The following RAB4B variants were observed in gnomAD, a reference collection of about 807,000 sequenced individuals.
The protein encoded by RAB4B is ras-related protein Rab-4B.
RAB4B carries 15 observed loss-of-function variants against 28.3 expected under a neutral mutation model. That is an observed-to-expected ratio of 0.53 (90% CI 0.35 to 0.82). The LOEUF (loss-of-function observed/expected upper bound fraction) is 0.82, where lower values mean the gene tolerates loss of function less well. RAB4B is among the 40% of genes least tolerant of loss of function. RAB4B has a pLI of 0.01. For missense variants in RAB4B, 244 were observed against 288.5 expected (o/e 0.85, Z 1.12); for synonymous variants, 108 against 116.3 (o/e 0.93, Z 0.46).
chr19:40,780,381 C>T lies in RAB4B; in HGVS notation c.98-4C>T. ...ACTGCCCCTTCTGTTCCTCCTACTC[C>T]CAGTCAAACAGGACTCCAACCACAC... On this transcript the variant is annotated splice_polypyrimidine_tract_variant and splice_region_variant and intron_variant, in intron 2 of 7. Transcript: ENST00000357052. The T allele has an allele frequency of 6.2e-7, 1 of 1,603,214 alleles. No individual in the cohort carries two copies. Among genetic ancestry groups the T allele is most frequent in the South Asian group, 1.1e-5 (1 of 89,448 alleles).
chr19:40,794,997 CAAAAAAA>C (rs59417778), intron 7 of RAB4B, among the ~76,000 whole-genome samples: 4 of 99,940 alleles, frequency 4.0e-5, no homozygotes, highest in Admixed American at 1.1e-4. Context: ...ACTAAAAATA[CAAAAAAA>C]AAAAAAAAAA....
rs556595996 is a variant in RAB4B at position 40,784,963 on chromosome 19, C to T, written c.430+888C>T. The stretch of plus-strand genomic sequence containing the variant: ...CCGAGTAGCTGGGACTACAGGTGTG[C>T]GCCACAACGCCTGGCTAATTTTTAT... On this transcript the variant is annotated intron_variant, in intron 5 of 7. Transcript: ENST00000357052. 7.9e-5 allele frequency among the ~76,000 whole-genome samples: 12 copies of T among 151,662 alleles called. 1 individual carries two copies. The South Asian group carries it at 8.3e-4, about 11-fold the overall frequency.
intron 6 of RAB4B, 29 bp downstream of exon 6, chr19:40,786,789 C>G (rs770094545): frequency 1.5e-5 from 25 of 1,613,882 alleles, no homozygotes; most frequent in South Asian, 8.8e-5. Flanking sequence ...CGAGTGGGAG[C>G]GAAGGGCAGG....
chr19:40,781,807 G>T (rs1227946706), intron 3 of RAB4B, among the ~76,000 whole-genome samples: 1 of 151,988 alleles, frequency 6.6e-6, no homozygotes, highest in Non-Finnish European at 1.5e-5. Flanking sequence ...GGATCACGAG[G>T]TCAGGAGATC....
intron 3 of RAB4B, among the ~76,000 whole-genome samples, chr19:40,782,970 T>G (rs933558588): frequency 6.6e-6 from 1 of 151,718 alleles, no homozygotes; most frequent in South Asian, 2.1e-4. Flanking sequence ...CAACCCCATC[T>G]CTACTAAAAA....
At chr19:40,781,136 A>G (rs1457250079) in intron 3 of RAB4B, among the ~76,000 whole-genome samples, 1 of 146,462 alleles carries the variant, frequency 6.8e-6, no homozygotes, top group Non-Finnish European at 1.5e-5. Flanking sequence ...AAAAAAAAAA[A>G]TCAAAAAATG....
chr19:40,790,009 G>A (rs2083142166), intron 7 of RAB4B, among the ~76,000 whole-genome samples: 1 of 152,230 alleles, frequency 6.6e-6, no homozygotes, highest in Admixed American at 6.5e-5. Context: ...TGTGTGTTTT[G>A]TGGGTACAGC....
intron 7 of RAB4B, among the ~76,000 whole-genome samples, chr19:40,791,002 C>G (rs1441085673): frequency 2.0e-5 from 3 of 151,808 alleles, no homozygotes; most frequent in Non-Finnish European, 4.4e-5. Flanking sequence ...ACTACAGGTG[C>G]GTGCCACCAC....
At chr19:40,790,502 C>T (rs2083147470) in intron 7 of RAB4B, among the ~76,000 whole-genome samples, 1 of 150,814 alleles carries the variant, frequency 6.6e-6, no homozygotes, top group Admixed American at 6.6e-5. Flanking sequence ...TCCTGAGTAG[C>T]TGGGACTACA....
rs200980353 is a variant in RAB4B at position 40,786,923 on chromosome 19, G to C, written c.602G>C (p.Arg201Pro). ...DASLRQLRQPRSAQAVAPQPC... is the reference protein window; with the variant it reads ...DASLRQLRQPPSAQAVAPQPC... The stretch of plus-strand genomic sequence containing the variant: ...TCCCTCCGCCAGCTTCGGCAGCCTC[G>C]GAGTGCCCAGGCCGTGGCCCCTCAG... Residue 201 changes from arginine (R) to proline (P), a missense_variant, in exon 7 of 8, where the codon CGG becomes CCG. Arg to Pro is a moderately radical substitution (Grantham distance 103). Transcript: ENST00000357052. 36 of 1,614,034 alleles carry C rather than the reference G, an allele frequency of 2.2e-5. No homozygotes were observed. In the East Asian group the frequency reaches 7.4e-4, roughly 33 times the overall value.
At chr19:40,779,471 C>CCCAAGGGTGATG in intron 1 of RAB4B, 1 of 162,944 alleles carries the variant, frequency 6.1e-6, no homozygotes, top group Non-Finnish European at 1.3e-5. Flanking sequence ...GGGCTGGGCG[C>CCCAAGGGTGATG]GGTGGCTCAT....
At chr19:40,783,484 G>A (rs949075571) in intron 3 of RAB4B, among the ~76,000 whole-genome samples, 1 of 152,174 alleles carries the variant, frequency 6.6e-6, no homozygotes, top group East Asian at 1.9e-4. Context: ...GACACAGAGA[G>A]AAAAACAGAC....
chr19:40,778,465 C>A, intron 1 of RAB4B, 74 bp downstream of exon 1: 3 of 1,344,466 alleles, frequency 2.2e-6, no homozygotes, highest in Non-Finnish European at 2.9e-6. Context: ...ATGGGCGGGG[C>A]TTTGTAGATC....
rs761358392 is a variant in RAB4B at position 40,780,043 on chromosome 19, T to C, written c.41T>C (p.Ile14Thr). The C allele has an allele frequency of 6.2e-7, 1 of 1,611,404 alleles. No individual in the cohort carries two copies. The highest frequency in any genetic ancestry group is 8.5e-7 in the Non-Finnish European group (1 of 1,177,472). Residue 14 changes from isoleucine (I) to threonine (T), a missense_variant, in exon 2 of 8, where the codon ATT (isoleucine) becomes ACT (threonine). Ile to Thr is a moderately conservative substitution (Grantham distance 89). Transcript: ENST00000357052. ...TYDFLFKFLV[I>T]GSAGTGKSCL... ...GACTTCCTCTTCAAATTCCTGGTGA[T>C]TGGCAGTGCAGGAACTGGCAAATCA...
At chr19:40,778,493 G>A (rs2279699) in intron 1 of RAB4B, 102 bp downstream of exon 1, 100,279 of 1,232,662 alleles carry the variant, frequency 0.081, 4,712 homozygotes, top group East Asian at 0.21. Flanking sequence ...GGGGTCTGGT[G>A]TGATGGAGGC....
intron 7 of RAB4B, among the ~76,000 whole-genome samples, chr19:40,789,328 G>A (rs992602220): frequency 1.7e-4 from 26 of 151,928 alleles, no homozygotes; most frequent in Non-Finnish European, 2.9e-4. Context: ...TCAGTCTCCT[G>A]AGTAGCTGGG....
intron 7 of RAB4B, among the ~76,000 whole-genome samples, chr19:40,793,664 G>A (rs1298930678): frequency 7.8e-5 from 11 of 140,388 alleles, no homozygotes; most frequent in Admixed American, 3.7e-4. Context: ...AGTGGCTCAC[G>A]CCTGTAATCC....
At chr19:40,791,021 A>C (rs1276921148) in intron 7 of RAB4B, among the ~76,000 whole-genome samples, 1 of 150,836 alleles carries the variant, frequency 6.6e-6, no homozygotes, top group Non-Finnish European at 1.5e-5. Context: ...ACGTCTGGCT[A>C]ATTTTCTGTA....
intron 1 of RAB4B, among the ~76,000 whole-genome samples, chr19:40,778,646 G>A (rs1278684273): frequency 3.3e-5 from 5 of 152,140 alleles, no homozygotes; most frequent in African/African-American, 1.2e-4. Context: ...GTTCAGGGAG[G>A]CCCTGAGGGA....
Sources: allele counts gnomAD v4.1 joint callset (sites outside exome capture counted in the v4.1 genomes callset), GRCh38; gene constraint gnomAD v4.1.1; transcripts MANE v1.5; gene names NCBI Gene and HGNC (gene_info 2026-07-23, HGNC 2026-07-21).